CARHSP1: variants seen among roughly 807,000 people sequenced by gnomAD.
CARHSP1 encodes the protein calcium regulated heat stable protein 1.
CARHSP1 carries 14 observed loss-of-function variants against 12.5 expected under a neutral mutation model. The ratio of observed to expected loss-of-function variants is 1.12; its 90% CI spans 0.74 to 1.75. CARHSP1 has a LOEUF of 1.75. Ranked by LOEUF, CARHSP1 falls within the 40% of genes most tolerant of loss-of-function variation. CARHSP1 has a pLI of 0.00. For missense variants in CARHSP1, 343 were observed against 201.6 expected, an observed-to-expected ratio of 1.70 and a Z score of -4.25; for synonymous variants, 161 against 82.0, an observed-to-expected ratio of 1.96 and a Z score of -5.20.
At chr16:8,864,029 C>T (rs1304502848) in intron 1 of CARHSP1, among the ~76,000 whole-genome samples, 2 of 152,318 alleles carry the variant, frequency 1.3e-5, no homozygotes, top group East Asian at 1.9e-4. Flanking sequence ...AGGCTGCAAA[C>T]AGATCCGCCA....
chr16:8,861,847 T>A (rs1449938010), intron 1 of CARHSP1: 2 of 1,191,748 alleles, frequency 1.7e-6, no homozygotes, highest in Non-Finnish European at 2.1e-6. Flanking sequence ...AGGCTGGCCC[T>A]GGGAGGGGAG....
intron 1 of CARHSP1, among the ~76,000 whole-genome samples, chr16:8,863,283 G>C (rs4985009): frequency 0.18 from 24,244 of 135,934 alleles, 1,939 homozygotes; most frequent in East Asian, 0.21. Context: ...ACCACAACCA[G>C]CTCATTTTTT....
At chr16:8,860,721 G>A (rs982575105) in intron 1 of CARHSP1, among the ~76,000 whole-genome samples, 3 of 152,042 alleles carry the variant, frequency 2.0e-5, no homozygotes, top group East Asian at 1.9e-4. Flanking sequence ...GCCCTGGATC[G>A]GTTTGACTCA....
At chr16:8,864,631 G>A (rs1440868568) in intron 1 of CARHSP1, among the ~76,000 whole-genome samples, 1 of 152,206 alleles carries the variant, frequency 6.6e-6, no homozygotes, top group Non-Finnish European at 1.5e-5. Flanking sequence ...AGGGTAAGGG[G>A]GAGAGGCTGC....
rs1454090623 is a variant in CARHSP1, at chr16:8,861,617, G to C, written c.-7-2282C>G. On this transcript the variant is annotated intron_variant, in intron 1 of 3. Coordinates refer to ENST00000311052, the MANE Select transcript of CARHSP1 (RefSeq NM_014316.4). ...TCCCGTTGGGCCTCAGTTCTGTCGG[G>C]CTGGGAAGCTGGTGGCTGGCTTGCC... The C allele has an allele frequency of 5.4e-6, 7 of 1,289,014 alleles. No homozygotes were observed. In the East Asian group the frequency reaches 3.9e-4, roughly 72 times the overall value. The allele number at this position is 1,289,014 out of a possible 1,614,324, so 79.8% of individuals were successfully genotyped here. A position where few individuals can be genotyped will look rare whatever the true frequency, so the allele number is the denominator to read the frequency against.
intron 1 of CARHSP1, chr16:8,860,294 A>G: frequency 1.0e-6 from 1 of 984,308 alleles, no homozygotes; most frequent in South Asian, 4.7e-5. Flanking sequence ...ATTTCCACAC[A>G]GCCCGGGTCA....
chr16:8,856,953 G>A (rs1333331329), intron 3 of CARHSP1, among the ~76,000 whole-genome samples: 2 of 152,126 alleles, frequency 1.3e-5, no homozygotes, highest in Non-Finnish European at 2.9e-5. Context: ...CAGTAAGCAT[G>A]CAGGAGGAGA....
At chr16:8,862,654 G>T (rs1567188694) in intron 1 of CARHSP1, among the ~76,000 whole-genome samples, 1 of 152,198 alleles carries the variant, frequency 6.6e-6, no homozygotes, top group African/African-American at 2.4e-5. Context: ...AAAACGGAGG[G>T]AGGCTGTTCC....
intron 3 of CARHSP1, among the ~76,000 whole-genome samples, chr16:8,857,088 C>T (rs542146760): frequency 3.9e-5 from 6 of 152,220 alleles, no homozygotes; most frequent in Admixed American, 6.5e-5. Flanking sequence ...GGCTCCCCAG[C>T]CTCATGGGGT....
intron 1 of CARHSP1, among the ~76,000 whole-genome samples, chr16:8,866,021 A>G (rs2061448840): frequency 1.3e-5 from 2 of 152,036 alleles, no homozygotes; most frequent in African/African-American, 4.8e-5. Flanking sequence ...TGGCACAATC[A>G]TGGCTCACTG....
intron 1 of CARHSP1, chr16:8,868,231 C>G (rs1669696156): frequency 6.6e-6 from 1 of 152,278 alleles, no homozygotes; most frequent in South Asian, 2.1e-4. Context: ...TCCGCCTCCC[C>G]CAGCACACAC....
intron 1 of CARHSP1, among the ~76,000 whole-genome samples, chr16:8,862,170 T>G (rs1255155405): frequency 6.6e-6 from 1 of 151,924 alleles, no homozygotes; most frequent in Non-Finnish European, 1.5e-5. Flanking sequence ...GCCCGGCTAA[T>G]GAAGCATAGC....
chr16:8,859,098 G>A lies in CARHSP1; in HGVS notation c.158+73C>T, dbSNP rs186497273. 4.4e-3 allele frequency: 6,322 copies of A among 1,426,894 alleles called. 28 individuals are homozygous for A. Among genetic ancestry groups the A allele is most frequent in the Middle Eastern group, 6.2e-3 (27 of 4,324 alleles). The allele number at this position is 1,426,894 out of a possible 1,614,324, so 88.4% of individuals were successfully genotyped here. The stretch of plus-strand genomic sequence containing the variant: ...CGGGACATAGGCCCAAAAATGGCCA[G>A]AGACACAGTGAATCTCTGGCCTCAG... On this transcript the variant is annotated intron_variant, in intron 2 of 3. Coordinates refer to ENST00000311052, the MANE Select transcript of CARHSP1 (RefSeq NM_014316.4).
intron 3 of CARHSP1, among the ~76,000 whole-genome samples, chr16:8,857,283 T>TTTTG (rs2061161485): frequency 8.0e-6 from 1 of 125,532 alleles, no homozygotes; most frequent in Non-Finnish European, 1.7e-5. Flanking sequence ...TTTTTTTTTT[T>TTTTG]TTTTTTTTTT....
In CARHSP1 at chr16:8,855,209, T is replaced by G. The variant is rs757839359; in HGVS notation, c.399A>C (p.Pro133=). The part of the protein sequence containing the change: ...AVEVVITHLA[P]GTKHETWSGH... ...CAGACCAGGTCTCATGCTTGGTGCC[T>G]GGTGCCAGGTGAGTGATGACGACCT... The change falls in exon 4 of 4, where the codon CCA becomes CCC. Residue 133 remains proline (P), a synonymous_variant. Coordinates refer to ENST00000311052, the MANE Select transcript of CARHSP1 (RefSeq NM_014316.4). 1 of 1,612,684 alleles carries G rather than the reference T, an allele frequency of 6.2e-7. No homozygotes were observed. The highest frequency in any genetic ancestry group is 2.2e-5 in the East Asian group (1 of 44,780).
At chr16:8,864,933 C>T (rs985674046) in intron 1 of CARHSP1, among the ~76,000 whole-genome samples, 3 of 152,170 alleles carry the variant, frequency 2.0e-5, no homozygotes, top group Admixed American at 6.5e-5. Context: ...TGGAGACTTA[C>T]GGCCCAATCA....
rs144935505 is a variant in CARHSP1, at chr16:8,855,059, G to A, written c.*105C>T. The A allele has an allele frequency of 6.0e-4, 486 of 810,714 alleles. 2 individuals carry two copies. Among genetic ancestry groups the A allele is most frequent in the African/African-American group, 5.4e-3 (288 of 53,376 alleles). 50.2% of individuals were successfully genotyped at this position (810,714 alleles called of 1,614,324 possible). On this transcript the variant is annotated 3_prime_UTR_variant, in exon 4 of 4. Transcript: ENST00000311052. ...GAGATACTTGAGAGGGACCATGCCCGGCTGAAGCCCCGTCTCGTGTGGAAG... is the reference window on the plus strand; with the variant it reads ...GAGATACTTGAGAGGGACCATGCCCAGCTGAAGCCCCGTCTCGTGTGGAAG...
chr16:8,864,624 G>A (rs770345488), intron 1 of CARHSP1, among the ~76,000 whole-genome samples: 2 of 152,226 alleles, frequency 1.3e-5, no homozygotes, highest in Non-Finnish European at 2.9e-5. Flanking sequence ...AGCCAGCAGG[G>A]TAAGGGGGAG....
At position 8,859,306 on chromosome 16, in the gene CARHSP1, G is replaced by T. The variant is rs142632000; in HGVS notation, c.23C>A (p.Pro8Gln). The T allele has an allele frequency of 6.0e-5, 96 of 1,602,536 alleles. 1 individual carries two copies. The East Asian group carries it at 2.1e-3, about 35-fold the overall frequency. Residue 8 changes from proline to glutamine, a missense_variant, in exon 2 of 4, where the codon CCA becomes CAA. Physicochemically the swap from Pro to Gln is moderately conservative, Grantham distance 76. Coordinates refer to ENST00000311052, the MANE Select transcript of CARHSP1 (RefSeq NM_014316.4). ...AGCTTGATGGGTGGGGGGCTGTGGTGGTGGGGGAGGCTCAGATGACATGGC... is the reference window on the plus strand; with the variant it reads ...AGCTTGATGGGTGGGGGGCTGTGGTTGTGGGGGAGGCTCAGATGACATGGC... MSSEPPP[P>Q]PQPPTHQASV...
Sources: gnomAD v4.1 joint callset for allele counts (sites outside exome capture counted in the v4.1 genomes callset) on GRCh38, gnomAD v4.1.1 for gene constraint, MANE v1.5 for transcripts, NCBI Gene and HGNC (gene_info 2026-07-23, HGNC 2026-07-21) for gene names.